Variants in ZNF732 observed in about 807,000 individuals in gnomAD.
The protein encoded by ZNF732 is zinc finger protein 732.
ZNF732 carries 12 observed loss-of-function variants against 11.5 expected under a neutral mutation model. The observed-to-expected ratio is 1.05, with a 90% CI of 0.67 to 1.70. ZNF732 has a LOEUF of 1.70. Ranked by LOEUF, ZNF732 falls within the 40% of genes most tolerant of loss-of-function variation. The probability of loss-of-function intolerance (pLI) is 0.00; values close to 1 mark genes in which losing one functional copy is unlikely to be tolerated. For missense variants in ZNF732, 702 were observed against 676.9 expected, an observed-to-expected ratio of 1.04 and a Z score of -0.41; for synonymous variants, 231 against 236.5, an observed-to-expected ratio of 0.98 and a Z score of 0.21.
chr4:272,677 A>C, intron 3 of ZNF732, 47 bp from the exon 4 acceptor site: 1 of 1,411,202 alleles, frequency 7.1e-7, no homozygotes, highest in Non-Finnish European at 9.3e-7. Flanking sequence ...ATTCATACGA[A>C]TATACTTTAA....
intron 3 of ZNF732, among the ~76,000 whole-genome samples, chr4:277,397 G>C (rs1371424430): frequency 1.3e-5 from 2 of 151,928 alleles, no homozygotes; most frequent in African/African-American, 4.8e-5. Context: ...CATGACAAAA[G>C]ATAAATTTAC....
intron 3 of ZNF732, among the ~76,000 whole-genome samples, chr4:278,357 A>T (rs1719544182): frequency 6.6e-6 from 1 of 152,194 alleles, no homozygotes; most frequent in Admixed American, 6.5e-5. Flanking sequence ...TGCAAAAGAC[A>T]ATTCCTGGAA....
chr4:299,663 T>C (rs1363948053), intron 1 of ZNF732, among the ~76,000 whole-genome samples: 1 of 121,972 alleles, frequency 8.2e-6, no homozygotes, highest in South Asian at 2.8e-4. Context: ...GTAAATTATA[T>C]ATATAATTTT....
At position 271,233 on chromosome 4, in the gene ZNF732, A is replaced by C; in HGVS notation, c.1624T>G (p.Ser542Ala). ...CEECGKAFRR[S>A]RVLNKYKTIH... ...GTCTTATATTTATTCAGGACTCTGGAACGTCTAAATGCTTTGCCACACTCT... is the reference window on the plus strand; with the variant it reads ...GTCTTATATTTATTCAGGACTCTGGCACGTCTAAATGCTTTGCCACACTCT... Residue 542 changes from serine to alanine, a missense_variant, in exon 4 of 4, where the codon TCC becomes GCC. Physicochemically the swap from Ser to Ala is moderately conservative, Grantham distance 99. Transcript: ENST00000419098. The C allele has an allele frequency of 6.4e-7, 1 of 1,563,076 alleles. No individual in the cohort carries two copies. Among genetic ancestry groups the C allele is most frequent in the Non-Finnish European group, 8.7e-7 (1 of 1,153,066 alleles).
chr4:301,635 G>A lies in ZNF732; in HGVS notation c.3+3673C>T, dbSNP rs567034448. Among the ~76,000 whole-genome samples, 59 of 152,256 alleles carry A rather than the reference G, an allele frequency of 3.9e-4. 1 individual carries two copies. The highest frequency in any genetic ancestry group is 1.2e-3 in the African/African-American group (50 of 41,540). On this transcript the variant is annotated intron_variant, in intron 1 of 3. Coordinates refer to ENST00000419098, the MANE Select transcript of ZNF732 (RefSeq NM_001137608.3). Reference sequence around the variant, plus strand: ...TCACAAGGACAAAAAACCAAACACCGCATGTTCTCATTCATAGGTGGGAGT... The same window carrying A: ...TCACAAGGACAAAAAACCAAACACCACATGTTCTCATTCATAGGTGGGAGT...
In ZNF732 at chr4:305,443, AC is replaced by A. The variant is rs1203214782; in HGVS notation, c.-134del. The A allele has an allele frequency of 6.9e-6, 9 of 1,309,208 alleles. No homozygotes were observed. Among genetic ancestry groups the A allele is most frequent in the Non-Finnish European group, 6.3e-6 (6 of 952,556 alleles). The allele number at this position is 1,309,208 out of a possible 1,614,324, so 81.1% of individuals were successfully genotyped here. The stretch of plus-strand genomic sequence containing the variant: ...GAGGGGTGAAAGCACGGCCGTGGAG[AC>A]CCTAACCGAGCTCACGCTGGCGCAA... On this transcript the variant is annotated 5_prime_UTR_variant, in exon 1 of 4. Transcript: ENST00000419098.
At chr4:273,964 T>A (rs1479056846) in intron 3 of ZNF732, among the ~76,000 whole-genome samples, 2 of 150,998 alleles carry the variant, frequency 1.3e-5, no homozygotes, top group African/African-American at 4.8e-5. Flanking sequence ...AACCAAATGC[T>A]GAAAAAGTAT....
chr4:302,347 T>G (rs982424960), intron 1 of ZNF732, among the ~76,000 whole-genome samples: 1 of 152,120 alleles, frequency 6.6e-6, no homozygotes, highest in Admixed American at 6.5e-5. Flanking sequence ...TAAACCAAAA[T>G]GTGATGTGCA....
At chr4:300,450 G>C (rs1720091169) in intron 1 of ZNF732, among the ~76,000 whole-genome samples, 1 of 108,336 alleles carries the variant, frequency 9.2e-6, no homozygotes, top group East Asian at 2.7e-4. Flanking sequence ...ATGAGACTCT[G>C]TCTCAAAAAA....
rs369055750 is a variant in ZNF732, at chr4:273,749, A to G, written c.227-1119T>C. ...AAATCAAACTCAAAAACGACATCTTAGGAGCTGCAAAATAAAAGTGATGTG... is the reference window on the plus strand; with the variant it reads ...AAATCAAACTCAAAAACGACATCTTGGGAGCTGCAAAATAAAAGTGATGTG... On this transcript the variant is annotated intron_variant, in intron 3 of 3. Coordinates refer to ENST00000419098, the MANE Select transcript of ZNF732 (RefSeq NM_001137608.3). Among the ~76,000 whole-genome samples, 76 of 152,032 alleles carry G rather than the reference A, an allele frequency of 5.0e-4. No homozygotes were observed. In the South Asian group the frequency reaches 0.015, roughly 29 times the overall value.
chr4:283,911 GT>G (rs528513317), intron 3 of ZNF732, among the ~76,000 whole-genome samples: 1 of 151,726 alleles, frequency 6.6e-6, no homozygotes, highest in Non-Finnish European at 1.5e-5. Context: ...ACTTGTTTGT[GT>G]TTTTTTTAGT....
chr4:305,207 GCAGCGGAGACTCCGTTCGCAGACT>G, intron 1 of ZNF732, 77 bp downstream of exon 1: 1 of 1,448,718 alleles, frequency 6.9e-7, no homozygotes, highest in Admixed American at 2.4e-5. Context: ...CTGAGCGGCG[GCAGCGGAGACTCCGTTCGCAGACT>G]CCGTCCCGCC....
chr4:295,650 T>G (rs192991722), intron 2 of ZNF732, 117 bp from the exon 3 acceptor site: 1 of 933,488 alleles, frequency 1.1e-6, no homozygotes, highest in Admixed American at 3.1e-5. Context: ...ATCCAAAAAT[T>G]GTTTCCTGGC....
intron 1 of ZNF732, among the ~76,000 whole-genome samples, chr4:296,935 G>A (rs1719965466): frequency 6.6e-6 from 1 of 152,130 alleles, no homozygotes. Context: ...GTTTACAGAG[G>A]CTGGAGATGG....
intron 3 of ZNF732, among the ~76,000 whole-genome samples, chr4:282,125 G>A (rs1553839940): frequency 6.6e-6 from 1 of 152,098 alleles, no homozygotes; most frequent in Non-Finnish European, 1.5e-5. Context: ...AAACTTAAAA[G>A]TCATTTGAAA....
At chr4:272,964 TG>T (rs1430416030) in intron 3 of ZNF732, among the ~76,000 whole-genome samples, 2 of 152,134 alleles carry the variant, frequency 1.3e-5, no homozygotes, top group African/African-American at 2.4e-5. Flanking sequence ...TGTCAACTCC[TG>T]TCTTCTTACT....
chr4:289,832 C>A (rs1434016300), intron 3 of ZNF732, among the ~76,000 whole-genome samples: 9 of 152,126 alleles, frequency 5.9e-5, no homozygotes, highest in African/African-American at 2.2e-4. Flanking sequence ...CCCTACGATC[C>A]CATCACCTCC....
Position 271,962 on chromosome 4 carries a change from T to C in ZNF732, c.895A>G (p.Ile299Val). The C allele has an allele frequency of 1.9e-6, 3 of 1,606,902 alleles. No homozygotes were observed. Among genetic ancestry groups the C allele is most frequent in the Non-Finnish European group, 2.6e-6 (3 of 1,176,328 alleles). Residue 299 changes from isoleucine to valine, a missense_variant, in exon 4 of 4, where the codon ATT becomes GTT. Ile to Val is a conservative substitution (Grantham distance 29). Around this residue, in one of 3 missense-constraint regions of ZNF732, gnomAD observed 596 missense variants for 557.9 expected, o/e 1.07. Coordinates refer to ENST00000419098, the MANE Select transcript of ZNF732 (RefSeq NM_001137608.3). ...TTGTAGAGTTTCTCTCCGGTATGAA[T>C]TTTCTTATGTTTGGCAACATTTGAG... ...SSSNVAKHKK[I>V]HTGEKLYKCQ...
rs782322082 is a variant in ZNF732, at chr4:271,506, A to T, written c.1351T>A (p.Cys451Ser). 35 of 1,610,922 alleles carry T rather than the reference A, an allele frequency of 2.2e-5. No homozygotes were observed. In the Admixed American group the frequency reaches 5.9e-4, roughly 27 times the overall value. The change falls in exon 4 of 4, where the codon TGT becomes AGT. Residue 451 changes from cysteine (C) to serine (S), a missense_variant. By Grantham distance (112) the Cys-to-Ser change is moderately radical. Transcript: ENST00000419098. Reference protein sequence around the residue: ...TGEKPYKCEECGKAFGWSAYL... With the variant: ...TGEKPYKCEESGKAFGWSAYL... ...GCAGACCATCCAAAGGCTTTGCCAC[A>T]CTCTTCACATTTGTAAGGTTTCTCT... is the stretch of plus-strand genomic sequence containing the variant.
Sources: gnomAD v4.1 joint callset for allele counts (sites outside exome capture counted in the v4.1 genomes callset) on GRCh38, gnomAD v4.1.1 for gene constraint, gnomAD v4.1.1 regional missense constraint, MANE v1.5 for transcripts, NCBI Gene and HGNC (gene_info 2026-07-23, HGNC 2026-07-21) for gene names.